Variants in PRKAG2 observed in about 807,000 individuals in gnomAD.
The protein encoded by PRKAG2 is protein kinase AMP-activated non-catalytic subunit gamma 2, also known as 5'-AMP-activated protein kinase subunit gamma-2.
A neutral mutation model predicts 69.6 loss-of-function variants in PRKAG2; 26 were observed. That is an observed-to-expected ratio of 0.37 (90% CI 0.27 to 0.52). The LOEUF is 0.52. Among genes scored for constraint, PRKAG2 ranks in the 20% least tolerant of loss-of-function variants. The pLI, the probability that PRKAG2 is intolerant of heterozygous loss-of-function variation, is 0.90. For missense variants in PRKAG2, 557 were observed against 740.0 expected (o/e 0.75, Z 2.87); for synonymous variants, 293 against 285.0 (o/e 1.03, Z -0.28).
At chr7:151,652,791 A>C (rs1283544155) in intron 4 of PRKAG2, among the ~76,000 whole-genome samples, 1 of 151,956 alleles carries the variant, frequency 6.6e-6, no homozygotes. Context: ...ACACCTGGCT[A>C]ATTTTTCTGT....
intron 3 of PRKAG2, among the ~76,000 whole-genome samples, chr7:151,706,574 C>A (rs1838647597): frequency 1.3e-5 from 2 of 152,306 alleles, no homozygotes; most frequent in Admixed American, 6.5e-5. Flanking sequence ...CAACCAGCAC[C>A]CTGACCTGCC....
At chr7:151,560,346 T>C in intron 15 of PRKAG2, 178 bp downstream of exon 15, 1 of 1,519,490 alleles carries the variant, frequency 6.6e-7, no homozygotes, top group Non-Finnish European at 8.8e-7. Context: ...CTTTCCTCAC[T>C]CACGCAGAAC....
At chr7:151,856,044 A>T (rs1483735064) in intron 1 of PRKAG2, among the ~76,000 whole-genome samples, 1 of 152,254 alleles carries the variant, frequency 6.6e-6, no homozygotes, top group Non-Finnish European at 1.5e-5. Context: ...CAGGCCACAC[A>T]TTCTGCCCTT....
chr7:151,558,206 G>A (rs2150962170), intron 15 of PRKAG2: 1 of 985,436 alleles, frequency 1.0e-6, no homozygotes, highest in East Asian at 1.1e-4. Context: ...AAGAGAAAGT[G>A]TTATTGTGTT....
chr7:151,658,103 A>G (rs1829733746), intron 4 of PRKAG2, among the ~76,000 whole-genome samples: 2 of 151,504 alleles, frequency 1.3e-5, no homozygotes, highest in African/African-American at 4.9e-5. Context: ...GATTGCAGTG[A>G]GCCGAGATTG....
intron 12 of PRKAG2, 59 bp downstream of exon 12, chr7:151,565,661 C>T (rs1806076450): frequency 6.4e-7 from 1 of 1,566,658 alleles, no homozygotes. Flanking sequence ...GGTCATCTTA[C>T]AATAATTGCA....
Position 151,565,703 on chromosome 7 carries a change from G to A in PRKAG2, c.1399+17C>T. On this transcript the variant is annotated intron_variant, in intron 12 of 15. Transcript: ENST00000287878. ...GATAAACAATTATTTCTGCCTGTCAGCGCCAAACACACAAACCTGACTCAT... is the reference window on the plus strand; with the variant it reads ...GATAAACAATTATTTCTGCCTGTCAACGCCAAACACACAAACCTGACTCAT... The A allele has an allele frequency of 6.2e-7, 1 of 1,608,626 alleles. No homozygotes were observed. The highest frequency in any genetic ancestry group is 8.5e-7 in the Non-Finnish European group (1 of 1,175,026).
At chr7:151,703,517 A>AT (rs80299807) in intron 3 of PRKAG2, among the ~76,000 whole-genome samples, 60,768 of 151,806 alleles carry the variant, frequency 0.4, 13,040 homozygotes, top group African/African-American at 0.56. Flanking sequence ...AAAATGTTTT[A>AT]TGGAGCATAA....
At chr7:151,682,524 C>T (rs765154384) in intron 3 of PRKAG2, among the ~76,000 whole-genome samples, 10 of 152,178 alleles carry the variant, frequency 6.6e-5, no homozygotes, top group Non-Finnish European at 1.2e-4. Flanking sequence ...AGGTGTGAAC[C>T]GCCATGCCTG....
At chr7:151,865,223 C>T (rs1004105097) in intron 1 of PRKAG2, among the ~76,000 whole-genome samples, 15 of 152,320 alleles carry the variant, frequency 9.8e-5, no homozygotes, top group East Asian at 1.9e-4. Context: ...GCTGCCTAGA[C>T]GGCCTGCTGG....
chr7:151,673,828 A>G (rs1585666700), intron 4 of PRKAG2, among the ~76,000 whole-genome samples: 1 of 141,162 alleles, frequency 7.1e-6, no homozygotes. Context: ...CATCCAATGT[A>G]GCTTGTGTTC....
At chr7:151,869,697 C>T (rs181637487) in intron 1 of PRKAG2, among the ~76,000 whole-genome samples, 210 of 152,338 alleles carry the variant, frequency 1.4e-3, no homozygotes, top group Middle Eastern at 0.01. Context: ...AGCACTGGGC[C>T]GTGCTCAAGC....
intron 4 of PRKAG2, among the ~76,000 whole-genome samples, chr7:151,674,464 T>C (rs1832580198): frequency 6.6e-6 from 1 of 152,232 alleles, no homozygotes; most frequent in Non-Finnish European, 1.5e-5. Context: ...GACCCAGGGA[T>C]GTGGCTCTCA....
chr7:151,559,817 A>G (rs1029148028), intron 15 of PRKAG2: 1 of 984,938 alleles, frequency 1.0e-6, no homozygotes, highest in Admixed American at 6.2e-5. Context: ...TTCATATTTG[A>G]CTGGGGCTGG....
chr7:151,819,507 A>C (rs190269944), intron 1 of PRKAG2, among the ~76,000 whole-genome samples: 3 of 152,300 alleles, frequency 2.0e-5, no homozygotes, highest in Admixed American at 2.0e-4. Flanking sequence ...AGATTAGATT[A>C]GCTGAGAATA....
intron 5 of PRKAG2, among the ~76,000 whole-genome samples, chr7:151,631,343 G>A (rs1474853015): frequency 6.6e-6 from 1 of 152,190 alleles, no homozygotes; most frequent in Non-Finnish European, 1.5e-5. Context: ...CCGTTCAAAT[G>A]TTAACAGCTT....
At chr7:151,655,410 C>T (rs1225587528) in intron 4 of PRKAG2, among the ~76,000 whole-genome samples, 1 of 152,166 alleles carries the variant, frequency 6.6e-6, no homozygotes, top group South Asian at 2.1e-4. Context: ...TGTGAAGTAG[C>T]ACCCTGGGCA....
intron 3 of PRKAG2, among the ~76,000 whole-genome samples, chr7:151,680,289 G>C (rs75225558): frequency 0.021 from 3,134 of 152,250 alleles, 42 homozygotes; most frequent in South Asian, 0.05. Flanking sequence ...TTTAAAAGCA[G>C]AGCCTGGAGA....
chr7:151,665,746 A>C (rs1373151444), intron 4 of PRKAG2, among the ~76,000 whole-genome samples: 1 of 152,196 alleles, frequency 6.6e-6, no homozygotes, highest in Non-Finnish European at 1.5e-5. Context: ...TAACATCAAG[A>C]CCTGATGAGG....
Sources: allele counts gnomAD v4.1 joint callset (sites outside exome capture counted in the v4.1 genomes callset), GRCh38; gene constraint gnomAD v4.1.1; transcripts MANE v1.5; gene names NCBI Gene and HGNC (gene_info 2026-07-23, HGNC 2026-07-21).